The following RABGAP1L variants were observed in gnomAD, a reference collection of about 807,000 sequenced individuals.
RABGAP1L encodes the protein RAB GTPase activating protein 1 like.
A neutral mutation model predicts 137.7 loss-of-function variants in RABGAP1L; 63 were observed. That is an observed-to-expected ratio of 0.46 (90% CI 0.37 to 0.56). RABGAP1L has a LOEUF of 0.56. RABGAP1L is among the 20% of genes least tolerant of loss of function. RABGAP1L has a pLI of 0.00. For missense variants in RABGAP1L, 1,095 were observed against 1,244.0 expected (o/e 0.88, Z 1.80); for synonymous variants, 431 against 433.7 (o/e 0.99, Z 0.08).
chr1:174,702,507 A>G (rs1679734546), intron 17 of RABGAP1L, among the ~76,000 whole-genome samples: 1 of 152,226 alleles, frequency 6.6e-6, no homozygotes, highest in Non-Finnish European at 1.5e-5. Context: ...AATTAAATTC[A>G]TAATAAGCCT....
At chr1:174,674,807 G>A (rs1243490640) in intron 14 of RABGAP1L, among the ~76,000 whole-genome samples, 1 of 152,172 alleles carries the variant, frequency 6.6e-6, no homozygotes, top group East Asian at 1.9e-4. Flanking sequence ...GTATCTCATT[G>A]TGGTTTTGAT....
At chr1:174,621,455 ACTACAAGG>A (rs1201064080) in intron 13 of RABGAP1L, among the ~76,000 whole-genome samples, 2 of 152,200 alleles carry the variant, frequency 1.3e-5, no homozygotes, top group African/African-American at 4.8e-5. Context: ...TTCAAACTAT[ACTACAAGG>A]CTACAGTAAC....
intron 18 of RABGAP1L, among the ~76,000 whole-genome samples, chr1:174,760,148 G>C (rs537035348): frequency 6.6e-6 from 1 of 152,038 alleles, no homozygotes; most frequent in Non-Finnish European, 1.5e-5. Context: ...TGTTGAGTCC[G>C]TTGCCACACT....
intron 13 of RABGAP1L, among the ~76,000 whole-genome samples, chr1:174,629,976 T>A (rs1673221896): frequency 6.6e-6 from 1 of 151,988 alleles, no homozygotes; most frequent in African/African-American, 2.4e-5. Flanking sequence ...TGTGCCAGTT[T>A]TCAAAGGGAA....
intron 13 of RABGAP1L, among the ~76,000 whole-genome samples, chr1:174,434,286 A>G (rs1214601789): frequency 6.6e-6 from 1 of 152,124 alleles, no homozygotes; most frequent in South Asian, 2.1e-4. Context: ...AGATTCATCC[A>G]TGTTATGTGT....
At chr1:174,461,977 T>C (rs996291773) in intron 13 of RABGAP1L, among the ~76,000 whole-genome samples, 1 of 152,164 alleles carries the variant, frequency 6.6e-6, no homozygotes, top group Non-Finnish European at 1.5e-5. Context: ...ATTCCCATTG[T>C]GATTATATAG....
chr1:174,617,798 C>T (rs1192301310), intron 13 of RABGAP1L, among the ~76,000 whole-genome samples: 2 of 152,200 alleles, frequency 1.3e-5, no homozygotes, highest in East Asian at 3.8e-4. Flanking sequence ...GTGAGCGACG[C>T]AGAAGACGGG....
chr1:174,389,393 T>C (rs1169774188), intron 12 of RABGAP1L, among the ~76,000 whole-genome samples: 1 of 152,008 alleles, frequency 6.6e-6, no homozygotes, highest in Admixed American at 6.5e-5. Flanking sequence ...ATTCCATTGG[T>C]GACTTTTCAG....
chr1:174,900,074 G>C (rs1317047654), intron 19 of RABGAP1L, among the ~76,000 whole-genome samples: 1 of 152,204 alleles, frequency 6.6e-6, no homozygotes, highest in African/African-American at 2.4e-5. Flanking sequence ...ACTAGCAATT[G>C]CAACTGTCCA....
intron 13 of RABGAP1L, among the ~76,000 whole-genome samples, chr1:174,529,505 G>T (rs957047168): frequency 1.1e-4 from 17 of 152,290 alleles, no homozygotes; most frequent in African/African-American, 4.1e-4. Context: ...ATACCAAATA[G>T]TTCAGTATTT....
chr1:174,409,406 A>G (rs776048762), intron 13 of RABGAP1L, among the ~76,000 whole-genome samples: 6 of 152,154 alleles, frequency 3.9e-5, no homozygotes, highest in Non-Finnish European at 5.9e-5. Context: ...GAGGATGTAC[A>G]TCACTTCGGG....
At chr1:174,747,343 A>G (rs1437190851) in intron 17 of RABGAP1L, among the ~76,000 whole-genome samples, 2 of 147,708 alleles carry the variant, frequency 1.4e-5, no homozygotes, top group East Asian at 2.1e-4. Flanking sequence ...TTGAGGCTGC[A>G]GTGAGTGGTG....
intron 17 of RABGAP1L, among the ~76,000 whole-genome samples, chr1:174,738,486 G>T (rs1683133049): frequency 6.6e-6 from 1 of 152,102 alleles, no homozygotes; most frequent in African/African-American, 2.4e-5. Context: ...CTGCAGAGTG[G>T]GGTGGGTGGC....
intron 17 of RABGAP1L, among the ~76,000 whole-genome samples, chr1:174,719,845 G>A (rs2148586401): frequency 6.6e-6 from 1 of 152,324 alleles, no homozygotes; most frequent in Non-Finnish European, 1.5e-5. Flanking sequence ...GAGGTGGTAG[G>A]AGTGACTCCA....
At chr1:174,237,570 C>A (rs1171532026) in intron 4 of RABGAP1L, among the ~76,000 whole-genome samples, 1 of 40,638 alleles carries the variant, frequency 2.5e-5, no homozygotes, top group Non-Finnish European at 4.8e-5. Flanking sequence ...GTTGAAAATT[C>A]TTTTCTTTAA....
chr1:174,859,966 T>TC (rs1349888194), intron 19 of RABGAP1L, among the ~76,000 whole-genome samples: 1 of 128,712 alleles, frequency 7.8e-6, no homozygotes, highest in Non-Finnish European at 1.6e-5. Flanking sequence ...TTTTTTTTTT[T>TC]TTTTTTTTTT....
intron 13 of RABGAP1L, among the ~76,000 whole-genome samples, chr1:174,410,716 A>G (rs1649827236): frequency 6.6e-6 from 1 of 152,054 alleles, no homozygotes; most frequent in Non-Finnish European, 1.5e-5. Context: ...TGCTTTGGCT[A>G]TTTGGGCCAT....
At chr1:174,516,587 A>C (rs1437483818) in intron 13 of RABGAP1L, among the ~76,000 whole-genome samples, 1 of 152,170 alleles carries the variant, frequency 6.6e-6, no homozygotes, top group African/African-American at 2.4e-5. Flanking sequence ...ATAAAGGCCA[A>C]ATTTAGAGTT....
At chr1:174,840,634 CAA>C (rs571457207) in intron 19 of RABGAP1L, among the ~76,000 whole-genome samples, 1 of 113,430 alleles carries the variant, frequency 8.8e-6, no homozygotes. Flanking sequence ...ACTAAAAATA[CAA>C]AAAAAAAAAA....
Sources: gnomAD v4.1 joint callset for allele counts (sites outside exome capture counted in the v4.1 genomes callset) on GRCh38, gnomAD v4.1.1 for gene constraint, MANE v1.5 for transcripts, NCBI Gene and HGNC (gene_info 2026-07-23, HGNC 2026-07-21) for gene names.